AUTS2: variants seen among roughly 807,000 people sequenced by gnomAD.
AUTS2 encodes the protein autism susceptibility gene 2 protein.
In AUTS2, 17 loss-of-function variants were observed where a neutral mutation model predicts 112.4. The ratio of observed to expected loss-of-function variants is 0.15; its 90% CI spans 0.10 to 0.23. AUTS2 has a LOEUF of 0.23. Ranked by LOEUF, AUTS2 falls within the 10% of genes least tolerant of loss-of-function variation. AUTS2 has a pLI of 1.00. For synonymous variants in AUTS2, 751 were observed against 702.7 expected, an observed-to-expected ratio of 1.07 and a Z score of -1.09; for missense variants, 1,510 against 1,701.6, an observed-to-expected ratio of 0.89 and a Z score of 1.98.
chr7:69,651,476 T>G (rs898539602), intron 1 of AUTS2, among the ~76,000 whole-genome samples: 3 of 152,242 alleles, frequency 2.0e-5, no homozygotes, highest in African/African-American at 7.2e-5. Flanking sequence ...TCCCCAAAGC[T>G]GGACGCACTT....
At chr7:69,837,578 G>A (rs906980974) in intron 1 of AUTS2, among the ~76,000 whole-genome samples, 2 of 152,036 alleles carry the variant, frequency 1.3e-5, no homozygotes, top group African/African-American at 4.8e-5. Flanking sequence ...ATGAGTCACT[G>A]CTGAGCCATT....
chr7:69,604,830 T>C (rs1792621935), intron 1 of AUTS2, among the ~76,000 whole-genome samples: 1 of 152,244 alleles, frequency 6.6e-6, no homozygotes. Context: ...AAAAGCATCA[T>C]TTCCTTTATC....
chr7:69,796,021 C>A (rs1204820550), intron 1 of AUTS2, among the ~76,000 whole-genome samples: 1 of 152,218 alleles, frequency 6.6e-6, no homozygotes, highest in Non-Finnish European at 1.5e-5. Context: ...TTTTCAAACA[C>A]TGCTTTGAGA....
intron 1 of AUTS2, among the ~76,000 whole-genome samples, chr7:69,699,118 T>C (rs1174819181): frequency 1.3e-5 from 2 of 152,170 alleles, no homozygotes; most frequent in Non-Finnish European, 2.9e-5. Flanking sequence ...TTGAATAATA[T>C]AACTATGTAG....
At chr7:69,801,692 T>G (rs1006994300) in intron 1 of AUTS2, among the ~76,000 whole-genome samples, 1 of 152,142 alleles carries the variant, frequency 6.6e-6, no homozygotes, top group African/African-American at 2.4e-5. Flanking sequence ...CATTCAACAG[T>G]TTTGTTGATT....
At chr7:70,343,303 A>G (rs1023074757) in intron 4 of AUTS2, among the ~76,000 whole-genome samples, 13 of 152,202 alleles carry the variant, frequency 8.5e-5, no homozygotes, top group Admixed American at 7.9e-4. Flanking sequence ...TCCTACTCGC[A>G]TGGTTAGAAG....
intron 5 of AUTS2, among the ~76,000 whole-genome samples, chr7:70,589,442 G>T (rs185730706): frequency 6.6e-6 from 1 of 152,202 alleles, no homozygotes; most frequent in East Asian, 1.9e-4. Flanking sequence ...GGCCAGGTGC[G>T]GTGGCTTACG....
intron 1 of AUTS2, among the ~76,000 whole-genome samples, chr7:69,694,500 C>T (rs1198251511): frequency 6.6e-6 from 1 of 152,118 alleles, no homozygotes; most frequent in Non-Finnish European, 1.5e-5. Flanking sequence ...GCTCTATGGC[C>T]AGCCATGGTG....
intron 5 of AUTS2, among the ~76,000 whole-genome samples, chr7:70,543,382 C>T (rs1335418456): frequency 2.6e-5 from 4 of 151,690 alleles, no homozygotes; most frequent in South Asian, 2.1e-4. Context: ...CCCAGCTACT[C>T]GGGAGGGGTG....
chr7:70,132,164 TAAA>T (rs200482728), intron 3 of AUTS2, among the ~76,000 whole-genome samples: 6 of 102,550 alleles, frequency 5.9e-5, no homozygotes, highest in Admixed American at 1.1e-4. Flanking sequence ...TCTTTTCCCT[TAAA>T]AAAAAAAAAA....
chr7:70,682,656 G>T (rs538705395), intron 5 of AUTS2, among the ~76,000 whole-genome samples: 2 of 152,254 alleles, frequency 1.3e-5, no homozygotes, highest in South Asian at 4.2e-4. Flanking sequence ...CCAGATGGTT[G>T]TTTCACTTAC....
intron 5 of AUTS2, among the ~76,000 whole-genome samples, chr7:70,583,895 G>A (rs780018941): frequency 1.3e-5 from 2 of 152,216 alleles, no homozygotes; most frequent in Non-Finnish European, 2.9e-5. Flanking sequence ...GTGTTAATTA[G>A]CTGCAGGATA....
chr7:70,578,544 T>C (rs928731639), intron 5 of AUTS2, among the ~76,000 whole-genome samples: 1 of 152,262 alleles, frequency 6.6e-6, no homozygotes, highest in African/African-American at 2.4e-5. Context: ...TTCTTCCAAC[T>C]ATAAACGTTA....
chr7:70,594,346 C>T (rs1292524832), intron 5 of AUTS2, among the ~76,000 whole-genome samples: 1 of 152,078 alleles, frequency 6.6e-6, no homozygotes, highest in Non-Finnish European at 1.5e-5. Context: ...TGGGCCCCAC[C>T]CCTAGAGTTT....
intron 1 of AUTS2, among the ~76,000 whole-genome samples, chr7:69,869,530 A>G (rs1296600767): frequency 6.7e-6 from 1 of 149,834 alleles, no homozygotes; most frequent in Non-Finnish European, 1.5e-5. Context: ...CAAGGATCAT[A>G]TATATATATA....
intron 3 of AUTS2, among the ~76,000 whole-genome samples, chr7:70,125,277 GTGTGTGTGTT>G (rs1364875202): frequency 1.1e-4 from 14 of 132,884 alleles, no homozygotes; most frequent in Non-Finnish European, 1.6e-4. Context: ...GTGTGTGTGT[GTGTGTGTGTT>G]TTTAATGTTT....
chr7:69,945,677 T>C (rs943371750), intron 2 of AUTS2, among the ~76,000 whole-genome samples: 1 of 152,078 alleles, frequency 6.6e-6, no homozygotes, highest in African/African-American at 2.4e-5. Context: ...CTAGTAAATA[T>C]CAGGAATACA....
At chr7:69,668,953 T>C (rs544697867) in intron 1 of AUTS2, among the ~76,000 whole-genome samples, 1 of 152,138 alleles carries the variant, frequency 6.6e-6, no homozygotes, top group Admixed American at 6.5e-5. Context: ...AAAAGTCAGG[T>C]TAGTGATGTG....
chr7:70,244,886 G>C (rs1222731945), intron 4 of AUTS2, among the ~76,000 whole-genome samples: 1 of 152,058 alleles, frequency 6.6e-6, no homozygotes, highest in African/African-American at 2.4e-5. Flanking sequence ...TTGGGAGGCT[G>C]AGACAGGTGG....
Sources: allele counts gnomAD v4.1 joint callset (sites outside exome capture counted in the v4.1 genomes callset), GRCh38; gene constraint gnomAD v4.1.1; transcripts MANE v1.5; gene names NCBI Gene and HGNC (gene_info 2026-07-23, HGNC 2026-07-21).